The following OTUD7A variants were observed in gnomAD, a reference collection of about 807,000 sequenced individuals.
OTUD7A encodes the protein OTU domain-containing protein 7A.
OTUD7A carries 12 observed loss-of-function variants against 65.7 expected under a neutral mutation model. The ratio of observed to expected loss-of-function variants is 0.18; its 90% confidence interval spans 0.12 to 0.30. The LOEUF (loss-of-function observed/expected upper bound fraction) is 0.30, where lower values mean the gene tolerates loss of function less well. Among genes scored for constraint, OTUD7A ranks in the 10% least tolerant of loss-of-function variants. The probability of loss-of-function intolerance (pLI) is 1.00; values close to 1 mark genes in which losing one functional copy is unlikely to be tolerated. For missense variants in OTUD7A, 1,148 were observed against 1,304.8 expected (o/e 0.88, Z 1.85); for synonymous variants, 641 against 586.3 (o/e 1.09, Z -1.35).
intron 8 of OTUD7A, among the ~76,000 whole-genome samples, chr15:31,508,746 A>G (rs1382209447): frequency 1.3e-5 from 2 of 152,266 alleles, no homozygotes; most frequent in South Asian, 2.1e-4. Flanking sequence ...GGGAAAGTGG[A>G]AGATAAATTA....
chr15:31,505,884 G>C (rs2141087528), intron 8 of OTUD7A, among the ~76,000 whole-genome samples: 1 of 151,906 alleles, frequency 6.6e-6, no homozygotes, highest in African/African-American at 2.4e-5. Flanking sequence ...CTGGTAGCTG[G>C]GACTACAGGC....
intron 3 of OTUD7A, among the ~76,000 whole-genome samples, chr15:31,618,230 A>G (rs1350340701): frequency 6.6e-6 from 1 of 152,316 alleles, no homozygotes; most frequent in African/African-American, 2.4e-5. Flanking sequence ...ATAGTGCCTC[A>G]ATAAACATAC....
rs148959565 is a variant in OTUD7A, at chr15:31,486,243, G to A, written c.1371+951C>T. On this transcript the variant is annotated intron_variant, in intron 12 of 12. Transcript: ENST00000307050. ...TGAAGAAGAACAGCCACAGCACTAC[G>A]GGAGTGCTCCAGGCCTTTGAGACGC... Among the ~76,000 whole-genome samples the A allele has an allele frequency of 5.1e-4, 77 of 152,306 alleles. 1 individual carries two copies. In the East Asian group the frequency reaches 0.014, roughly 29 times the overall value.
chr15:31,818,168 G>T (rs961189866), intron 1 of OTUD7A, among the ~76,000 whole-genome samples: 1 of 152,172 alleles, frequency 6.6e-6, no homozygotes, highest in African/African-American at 2.4e-5. Flanking sequence ...CTCCCAAACT[G>T]TGAGAAATAC....
At chr15:31,826,941 C>T (rs1595796476) in intron 1 of OTUD7A, among the ~76,000 whole-genome samples, 1 of 152,310 alleles carries the variant, frequency 6.6e-6, no homozygotes, top group African/African-American at 2.4e-5. Context: ...TCAGCCTGGA[C>T]CTTATTGTCC....
intron 1 of OTUD7A, among the ~76,000 whole-genome samples, chr15:31,753,264 C>T (rs1230487734): frequency 1.3e-5 from 2 of 151,854 alleles, no homozygotes; most frequent in Admixed American, 1.3e-4. Flanking sequence ...AAAGAAATCT[C>T]CAGATCCAGG....
At chr15:31,739,520 T>C (rs935451564) in intron 1 of OTUD7A, among the ~76,000 whole-genome samples, 2 of 152,224 alleles carry the variant, frequency 1.3e-5, no homozygotes, top group African/African-American at 4.8e-5. Context: ...AATGTTAACA[T>C]AATAGACAAA....
At chr15:31,551,577 C>T (rs1888325608) in intron 5 of OTUD7A, among the ~76,000 whole-genome samples, 1 of 152,220 alleles carries the variant, frequency 6.6e-6, no homozygotes, top group South Asian at 2.1e-4. Context: ...GACCAATTAA[C>T]TTCAGCTTTG....
At chr15:31,563,058 C>CTATTTT (rs979804984) in intron 4 of OTUD7A, among the ~76,000 whole-genome samples, 1 of 152,106 alleles carries the variant, frequency 6.6e-6, no homozygotes, top group Non-Finnish European at 1.5e-5. Flanking sequence ...GGATAGAGTC[C>CTATTTT]TATTTTTTTT....
chr15:31,798,647 G>A (rs56285687), intron 1 of OTUD7A, among the ~76,000 whole-genome samples: 4,606 of 152,250 alleles, frequency 0.03, 223 homozygotes, highest in African/African-American at 0.11. Context: ...GAGTCAACTT[G>A]CTCCAACACC....
At position 31,487,599 on chromosome 15, in the gene OTUD7A, C is replaced by T. The variant is rs765295805; in HGVS notation, c.1172-33G>A. On this transcript the variant is annotated intron_variant, in intron 10 of 12. Transcript: ENST00000307050. The surrounding 1 kb of genome is among the most constrained non-coding windows in gnomAD (Gnocchi z 6.0). ...AGAAGAGACAGAGCCGTGCTTGGAGCCCCGGCAGTCCCCAGGCAGGATGGC... is the reference window on the plus strand; with the variant it reads ...AGAAGAGACAGAGCCGTGCTTGGAGTCCCGGCAGTCCCCAGGCAGGATGGC... The T allele has an allele frequency of 3.2e-6, 5 of 1,564,802 alleles. No homozygotes were observed. In the Admixed American group the frequency reaches 9.1e-5, roughly 28 times the overall value.
At chr15:31,559,271 C>A in intron 4 of OTUD7A, 84 bp from the exon 5 acceptor site, 2 of 1,206,272 alleles carry the variant, frequency 1.7e-6, no homozygotes, top group Non-Finnish European at 2.3e-6. Flanking sequence ...ATACTATGCA[C>A]ACACAATACA....
chr15:31,522,914 T>C (rs948404055), intron 8 of OTUD7A, among the ~76,000 whole-genome samples: 2 of 152,224 alleles, frequency 1.3e-5, no homozygotes, highest in Non-Finnish European at 2.9e-5. Flanking sequence ...GGACCAATAG[T>C]ACAGGGGCTG....
intron 1 of OTUD7A, among the ~76,000 whole-genome samples, chr15:31,719,262 C>G (rs1248778475): frequency 6.6e-6 from 1 of 151,822 alleles, no homozygotes; most frequent in Non-Finnish European, 1.5e-5. Context: ...TGTTTGAAAT[C>G]CCTCCTTCAT....
intron 8 of OTUD7A, among the ~76,000 whole-genome samples, chr15:31,521,797 C>T (rs958817760): frequency 3.3e-5 from 5 of 152,128 alleles, no homozygotes; most frequent in Non-Finnish European, 7.4e-5. Flanking sequence ...AAAGTAAGGA[C>T]CTAGACAGAA....
intron 3 of OTUD7A, among the ~76,000 whole-genome samples, chr15:31,592,924 T>A (rs1224782226): frequency 2.8e-4 from 26 of 91,700 alleles, no homozygotes; most frequent in African/African-American, 1.3e-3. Context: ...TATATATATA[T>A]ATATATATAT....
At chr15:31,856,969 A>C (rs891155847) in intron 1 of OTUD7A, among the ~76,000 whole-genome samples, 5 of 152,196 alleles carry the variant, frequency 3.3e-5, no homozygotes, top group African/African-American at 1.2e-4. Flanking sequence ...TTTCTCTAAT[A>C]GTTGACGGCC....
chr15:31,596,788 T>C (rs1423417872), intron 3 of OTUD7A, among the ~76,000 whole-genome samples: 1 of 152,192 alleles, frequency 6.6e-6, no homozygotes, highest in Non-Finnish European at 1.5e-5. Flanking sequence ...TTTTCTGTTT[T>C]TAAGTCTTTT....
intron 1 of OTUD7A, among the ~76,000 whole-genome samples, chr15:31,801,131 C>G (rs1896114175): frequency 6.6e-6 from 1 of 151,688 alleles, no homozygotes; most frequent in South Asian, 2.1e-4. Context: ...AAACTCCACA[C>G]TGCAACTAGT....
Sources: allele counts gnomAD v4.1 joint callset (sites outside exome capture counted in the v4.1 genomes callset), GRCh38; gene constraint gnomAD v4.1.1; non-coding constraint Gnocchi (gnomAD v3.1); transcripts MANE v1.5; gene names NCBI Gene and HGNC (gene_info 2026-07-23, HGNC 2026-07-21).